The following PLA2G5 variants were observed in gnomAD, a reference collection of about 807,000 sequenced individuals.
PLA2G5 encodes Ca2+-dependent phospholipase A2.
In PLA2G5, 12 loss-of-function variants were observed where a neutral mutation model predicts 15.9. The observed-to-expected ratio is 0.76, with a 90% CI of 0.48 to 1.23. PLA2G5 has a LOEUF of 1.23. Among genes scored for constraint, PLA2G5 ranks in the 50% most tolerant of loss-of-function variants. PLA2G5 has a pLI of 0.00. For missense variants in PLA2G5, 169 were observed against 177.1 expected (o/e 0.95, Z 0.26); for synonymous variants, 71 against 71.4 (o/e 0.99, Z 0.03).
At chr1:20,081,074 T>C (rs1013581118) in intron 1 of PLA2G5, among the ~76,000 whole-genome samples, 1 of 151,924 alleles carries the variant, frequency 6.6e-6, no homozygotes, top group Non-Finnish European at 1.5e-5. Context: ...GACCCGTCCC[T>C]TGGCAACCTG....
chr1:20,070,391 G>C lies in PLA2G5; in HGVS notation c.-85G>C. ...GAGACGGGGAGCCCGCGAGACCCGG[G>C]TCTCCAGGGTCTGCCCAAGGAAGTT... On this transcript the variant is annotated 5_prime_UTR_variant, in exon 1 of 5. Coordinates refer to ENST00000375108, the MANE Select transcript of PLA2G5 (RefSeq NM_000929.3). The C allele has an allele frequency of 1.0e-6, 1 of 985,456 alleles. No individual in the cohort carries two copies. Among genetic ancestry groups the C allele is most frequent in the Non-Finnish European group, 1.2e-6 (1 of 829,938 alleles). The allele number at this position is 985,456 out of a possible 1,614,324, so 61.0% of individuals were successfully genotyped here.
At chr1:20,028,757 G>A (rs1039536467) in intron 1 of PLA2G5, 1 of 152,308 alleles carries the variant, frequency 6.6e-6, no homozygotes, top group Non-Finnish European at 1.5e-5. Context: ...AAGATTAAGG[G>A]CCCTGAGAAA....
chr1:20,087,434 C>T (rs564533574), intron 3 of PLA2G5, among the ~76,000 whole-genome samples: 27 of 152,162 alleles, frequency 1.8e-4, no homozygotes, highest in Admixed American at 1.5e-3. Flanking sequence ...TGCTCTGTCG[C>T]CCAGGCTGGA....
In PLA2G5 at chr1:20,086,288, C is replaced by T. The variant is rs550825943; in HGVS notation, c.185+61C>T. On this transcript the variant is annotated intron_variant, in intron 3 of 4. Coordinates refer to ENST00000375108, the MANE Select transcript of PLA2G5 (RefSeq NM_000929.3). ...GGCTCTGCACCCATGTTTTCTTATTCAATTCCATATCAGTTCTGGAAGATG... is the reference window on the plus strand; with the variant it reads ...GGCTCTGCACCCATGTTTTCTTATTTAATTCCATATCAGTTCTGGAAGATG... The T allele has an allele frequency of 6.5e-6, 10 of 1,531,756 alleles. No homozygotes were observed. The African/African-American group carries it at 9.6e-5, about 15-fold the overall frequency. 94.9% of individuals were successfully genotyped at this position (1,531,756 alleles called of 1,614,324 possible).
At chr1:20,038,863 G>T in intron 1 of PLA2G5, among the ~76,000 whole-genome samples, 1 of 152,218 alleles carries the variant, frequency 6.6e-6, no homozygotes, top group East Asian at 1.9e-4. Flanking sequence ...GCAGTCCTGT[G>T]GTTGTTGATG....
chr1:20,049,105 G>C (rs1417987958), intron 1 of PLA2G5, among the ~76,000 whole-genome samples: 1 of 152,046 alleles, frequency 6.6e-6, no homozygotes, highest in Non-Finnish European at 1.5e-5. Flanking sequence ...GTTTTTTCTG[G>C]TAAGAAAGCT....
At chr1:20,044,827 AG>A (rs1490876601) in intron 1 of PLA2G5, among the ~76,000 whole-genome samples, 1 of 151,392 alleles carries the variant, frequency 6.6e-6, no homozygotes, top group Non-Finnish European at 1.5e-5. Flanking sequence ...TCTAGGGAGG[AG>A]GGGAGAGGTC....
chr1:20,043,780 A>G (rs1358010980), intron 1 of PLA2G5, among the ~76,000 whole-genome samples: 1 of 152,198 alleles, frequency 6.6e-6, no homozygotes, highest in Non-Finnish European at 1.5e-5. Flanking sequence ...TACCCACAAC[A>G]GTTATGGGGG....
At chr1:20,039,283 C>T (rs765363321) in intron 1 of PLA2G5, among the ~76,000 whole-genome samples, 97 of 152,158 alleles carry the variant, frequency 6.4e-4, no homozygotes, top group Non-Finnish European at 9.7e-4. Context: ...AAAGCATGGA[C>T]ATTAATGTCT....
intron 2 of PLA2G5, among the ~76,000 whole-genome samples, chr1:20,065,189 T>TC (rs892312479): frequency 2.6e-5 from 4 of 152,166 alleles, no homozygotes; most frequent in African/African-American, 9.7e-5. Context: ...CGCCCCCTTA[T>TC]CCCAACATAT....
At chr1:20,087,384 C>A (rs771702564) in intron 3 of PLA2G5, among the ~76,000 whole-genome samples, 1 of 152,006 alleles carries the variant, frequency 6.6e-6, no homozygotes, top group Non-Finnish European at 1.5e-5. Flanking sequence ...TTTCATATAA[C>A]CTGTGTGATC....
At chr1:20,036,830 C>T (rs1857093) in intron 1 of PLA2G5, among the ~76,000 whole-genome samples, 135,069 of 151,936 alleles carry the variant, frequency 0.89, 60,775 homozygotes, top group East Asian at 1. Context: ...CACACCTGGC[C>T]AATTTTGTAT....
rs1009031385 is a variant in PLA2G5, at chr1:20,058,815, G to C, written n.277-817G>C. Among the ~76,000 whole-genome samples the C allele has an allele frequency of 2.0e-5, 3 of 152,260 alleles. 1 individual carries two copies. In the Middle Eastern group the frequency reaches 0.01, roughly 518 times the overall value. On this transcript the variant is annotated intron_variant and non_coding_transcript_variant, in intron 1 of 6. Coordinates refer to the PLA2G5 transcript ENST00000460175. Reference sequence around the variant, plus strand: ...CCCAGTCTTGAGGCTGAAGATATTAGTAGCCAAGTGAGGAATGCCTTTATT... The same window carrying C: ...CCCAGTCTTGAGGCTGAAGATATTACTAGCCAAGTGAGGAATGCCTTTATT...
chr1:20,038,977 C>T (rs1166596278), intron 1 of PLA2G5, among the ~76,000 whole-genome samples: 1 of 152,102 alleles, frequency 6.6e-6, no homozygotes, highest in Non-Finnish European at 1.5e-5. Flanking sequence ...ACATTGTCTA[C>T]ACTCAGTTGT....
intron 1 of PLA2G5, among the ~76,000 whole-genome samples, chr1:20,055,895 C>T (rs550886404): frequency 2.0e-4 from 31 of 152,240 alleles, no homozygotes; most frequent in Admixed American, 6.5e-4. Context: ...AACAGAAGGT[C>T]CTCAACTAGT....
chr1:20,053,580 G>GA, intron 1 of PLA2G5, among the ~76,000 whole-genome samples: 1 of 132,462 alleles, frequency 7.5e-6, no homozygotes, highest in East Asian at 2.4e-4. Flanking sequence ...CGGGGGGGGG[G>GA]GTGATATGCA....
At chr1:20,054,734 A>C (rs1381831724) in intron 1 of PLA2G5, 1 of 152,102 alleles carries the variant, frequency 6.6e-6, no homozygotes, top group African/African-American at 2.4e-5. Context: ...GCTGTTTCAC[A>C]ATTACACATA....
chr1:20,061,257 C>T (rs1326839614), intron 2 of PLA2G5, among the ~76,000 whole-genome samples: 2 of 152,100 alleles, frequency 1.3e-5, no homozygotes, highest in South Asian at 2.1e-4. Context: ...ACATCCACAC[C>T]ACCCTGGCCT....
At chr1:20,068,451 GTT>G (rs5772880), upstream of PLA2G5, among the ~76,000 whole-genome samples, 13 of 133,556 alleles carry the variant, frequency 9.7e-5, no homozygotes, top group Non-Finnish European at 6.5e-5. Context: ...AAAAGTGGTA[GTT>G]TTTTTTTTTT....
Sources: allele counts gnomAD v4.1 joint callset (sites outside exome capture counted in the v4.1 genomes callset), GRCh38; gene constraint gnomAD v4.1.1; transcripts MANE v1.5; gene names NCBI Gene and HGNC (gene_info 2026-07-23, HGNC 2026-07-21).